The following ANKRD28 variants were observed in gnomAD, a reference collection of about 807,000 sequenced individuals.
ANKRD28 encodes ankyrin repeat domain 28, also known as serine/threonine-protein phosphatase 6 regulatory ankyrin repeat subunit A.
A neutral mutation model predicts 126.5 loss-of-function variants in ANKRD28; 44 were observed. That is an observed-to-expected ratio of 0.35 (90% confidence interval 0.27 to 0.45). The LOEUF (loss-of-function observed/expected upper bound fraction) is 0.45, where lower values mean the gene tolerates loss of function less well. ANKRD28 is among the 20% of genes least tolerant of loss of function. The pLI is 1.00. For missense variants in ANKRD28, 1,110 were observed against 1,316.6 expected (o/e 0.84, Z 2.43); for synonymous variants, 442 against 468.5 (o/e 0.94, Z 0.73).
chr3:15,687,180 T>C (rs2455808), intron 18 of ANKRD28, among the ~76,000 whole-genome samples: 107,846 of 151,698 alleles, frequency 0.71, 38,536 homozygotes, highest in East Asian at 0.91. Flanking sequence ...CCTGACCTCA[T>C]GATCCACCCA....
intron 1 of ANKRD28, among the ~76,000 whole-genome samples, chr3:15,795,860 C>T (rs2060253078): frequency 6.6e-6 from 1 of 152,024 alleles, no homozygotes; most frequent in Non-Finnish European, 1.5e-5. Context: ...CAAACACATG[C>T]ATAACTAAAT....
intron 2 of ANKRD28, among the ~76,000 whole-genome samples, chr3:15,766,923 A>G (rs1187896887): frequency 6.6e-6 from 1 of 152,244 alleles, no homozygotes; most frequent in Non-Finnish European, 1.5e-5. Context: ...ACAGTTTAGA[A>G]CTGTTAACCT....
At chr3:15,698,135 GGTCT>G (rs1235634857) in intron 14 of ANKRD28, among the ~76,000 whole-genome samples, 2 of 151,586 alleles carry the variant, frequency 1.3e-5, no homozygotes, top group South Asian at 2.1e-4. Flanking sequence ...TCTTGCTAGC[GGTCT>G]GTCTGATTAT....
chr3:15,709,167 G>A (rs2071879732), intron 13 of ANKRD28, among the ~76,000 whole-genome samples: 1 of 152,082 alleles, frequency 6.6e-6, no homozygotes, highest in Admixed American at 6.6e-5. Flanking sequence ...GGGATGTGTG[G>A]ATATATGTGT....
At chr3:15,826,344 G>C (rs1365919518) in intron 1 of ANKRD28, among the ~76,000 whole-genome samples, 1 of 152,134 alleles carries the variant, frequency 6.6e-6, no homozygotes, top group Non-Finnish European at 1.5e-5. Flanking sequence ...CAAAGATACA[G>C]ATATATAGAA....
chr3:15,838,801 C>T lies in ANKRD28; in HGVS notation c.27+20576G>A, dbSNP rs547433351. ...AAGTTAAAACGTGTCCATACACAGA[C>T]TCATACATGAATATTCATAGCAGTA... On this transcript the variant is annotated intron_variant, in intron 1 of 27. Coordinates refer to the ANKRD28 transcript ENST00000399451. The surrounding 1 kb of genome is among the most constrained non-coding windows in gnomAD (Gnocchi z 4.0). Among the ~76,000 whole-genome samples the T allele has an allele frequency of 6.6e-6, 1 of 151,514 alleles. No homozygotes were observed.
intron 3 of ANKRD28, among the ~76,000 whole-genome samples, chr3:15,757,492 C>T (rs970771667): frequency 1.3e-5 from 2 of 152,082 alleles, no homozygotes; most frequent in African/African-American, 4.8e-5. Context: ...TTGCGTTCCC[C>T]CAAAATTTAT....
At chr3:15,752,356 T>C (rs9854071) in intron 3 of ANKRD28, among the ~76,000 whole-genome samples, 3,706 of 152,278 alleles carry the variant, frequency 0.024, 161 homozygotes, top group African/African-American at 0.082. Context: ...ATGAACCAAC[T>C]CATGTCTTTC....
chr3:15,807,871 TTTATC>T (rs2060620338), intron 1 of ANKRD28, among the ~76,000 whole-genome samples: 1 of 152,158 alleles, frequency 6.6e-6, no homozygotes, highest in African/African-American at 2.4e-5. Context: ...AGATAATACT[TTTATC>T]TGGCATTTTT....
At chr3:15,834,073 G>A (rs2061268680) in intron 1 of ANKRD28, among the ~76,000 whole-genome samples, 2 of 152,024 alleles carry the variant, frequency 1.3e-5, no homozygotes, top group South Asian at 4.1e-4. Context: ...CTGTGTGAAA[G>A]CTTTTTTAAA....
intron 1 of ANKRD28, among the ~76,000 whole-genome samples, chr3:15,825,805 T>A (rs2061052820): frequency 6.6e-6 from 1 of 151,986 alleles, no homozygotes; most frequent in Non-Finnish European, 1.5e-5. Context: ...AAATAGGCAA[T>A]TCACAAAAAA....
At chr3:15,794,492 G>A (rs1379291832) in intron 2 of ANKRD28, among the ~76,000 whole-genome samples, 1 of 152,068 alleles carries the variant, frequency 6.6e-6, no homozygotes, top group African/African-American at 2.4e-5. Context: ...TTTGTTTCTG[G>A]TAAAAATATA....
At chr3:15,806,710 C>G (rs1220094099) in intron 1 of ANKRD28, among the ~76,000 whole-genome samples, 1 of 152,048 alleles carries the variant, frequency 6.6e-6, no homozygotes, top group Non-Finnish European at 1.5e-5. Flanking sequence ...TTAGTAAAGA[C>G]AGCGTTTTAC....
intron 17 of ANKRD28, among the ~76,000 whole-genome samples, chr3:15,692,148 A>T (rs2068889232): frequency 6.6e-6 from 1 of 150,634 alleles, no homozygotes; most frequent in Non-Finnish European, 1.5e-5. Context: ...TCTAAATAAA[A>T]AAAAAAAAAA....
intron 3 of ANKRD28, among the ~76,000 whole-genome samples, chr3:15,761,555 G>A (rs2058458711): frequency 6.6e-6 from 1 of 152,070 alleles, no homozygotes. Flanking sequence ...AATTTAAGCA[G>A]AACTCCTGGA....
intron 4 of ANKRD28, among the ~76,000 whole-genome samples, chr3:15,739,008 T>A (rs777771828): frequency 6.6e-6 from 1 of 152,228 alleles, no homozygotes; most frequent in Non-Finnish European, 1.5e-5. Flanking sequence ...AAGATAAATA[T>A]GGCTCTGTTC....
intron 1 of ANKRD28, among the ~76,000 whole-genome samples, chr3:15,844,007 T>C (rs984339424): frequency 1.3e-5 from 2 of 152,006 alleles, no homozygotes; most frequent in South Asian, 2.1e-4. Flanking sequence ...GGGTAGGTGA[T>C]AGTTGAAGAA....
intron 21 of ANKRD28, among the ~76,000 whole-genome samples, chr3:15,682,090 A>G (rs2067608361): frequency 6.6e-6 from 1 of 152,188 alleles, no homozygotes; most frequent in African/African-American, 2.4e-5. Context: ...CAAAAAAAAT[A>G]TGAATAAAAA....
In ANKRD28 at chr3:15,749,096, TTTTTG is replaced by T. The variant is rs1331480738; in HGVS notation, c.351+2649_351+2653del. 2.8e-3 allele frequency among the ~76,000 whole-genome samples: 71 copies of T among 25,268 alleles called. 8 individuals carry two copies. The highest frequency in any genetic ancestry group is 0.019 in the Middle Eastern group (1 of 54). 16.6% of individuals were successfully genotyped at this position (25,268 alleles called of 152,430 possible). A position where few individuals can be genotyped will look rare whatever the true frequency, so the allele number is the denominator to read the frequency against. ...TTTTCCTTTCATATTCTATATTATGTTTTTGTTTTTTTTTTTTTTTTTTTTGAGAC... is the reference window on the plus strand; with the variant it reads ...TTTTCCTTTCATATTCTATATTATGTTTTTTTTTTTTTTTTTTTTTGAGAC... On this transcript the variant is annotated intron_variant, in intron 4 of 27. Coordinates refer to ENST00000683139, the MANE Select transcript of ANKRD28 (RefSeq NM_001349278.2).
Sources: allele counts gnomAD v4.1 joint callset (sites outside exome capture counted in the v4.1 genomes callset), GRCh38; gene constraint gnomAD v4.1.1; non-coding constraint Gnocchi (gnomAD v3.1); transcripts MANE v1.5; gene names NCBI Gene and HGNC (gene_info 2026-07-23, HGNC 2026-07-21).